The following NDST3 variants were observed in gnomAD, a reference collection of about 807,000 sequenced individuals.
NDST3 encodes bifunctional heparan sulfate N-deacetylase/N-sulfotransferase 3.
NDST3 carries 58 observed loss-of-function variants against 96.1 expected under a neutral mutation model. That is an observed-to-expected ratio of 0.60 (90% CI 0.49 to 0.75). NDST3 has a LOEUF of 0.75. Among genes scored for constraint, NDST3 ranks in the 30% least tolerant of loss-of-function variants. NDST3 has a pLI of 0.00. For missense variants in NDST3, 788 were observed against 1,034.2 expected, an observed-to-expected ratio of 0.76 and a Z score of 3.27; for synonymous variants, 333 against 359.7, an observed-to-expected ratio of 0.93 and a Z score of 0.84.
chr4:118,177,791 T>C (rs188125422), intron 6 of NDST3, among the ~76,000 whole-genome samples: 5 of 152,112 alleles, frequency 3.3e-5, no homozygotes, highest in Admixed American at 3.3e-4. Flanking sequence ...CTTATGAGTC[T>C]TGAAGTCTCA....
chr4:118,077,152 G>A (rs760171532), intron 2 of NDST3, among the ~76,000 whole-genome samples: 1 of 152,208 alleles, frequency 6.6e-6, no homozygotes, highest in Admixed American at 6.5e-5. Flanking sequence ...TAAGGAACCT[G>A]CTGCGCAGGA....
chr4:118,173,992 T>C (rs1457121205), intron 6 of NDST3, among the ~76,000 whole-genome samples: 6 of 152,214 alleles, frequency 3.9e-5, no homozygotes, highest in Non-Finnish European at 5.9e-5. Context: ...TGGTTATTGA[T>C]ACACTTTGCA....
At chr4:118,192,803 G>T (rs1287755261) in intron 6 of NDST3, among the ~76,000 whole-genome samples, 1 of 152,030 alleles carries the variant, frequency 6.6e-6, no homozygotes, top group East Asian at 1.9e-4. Context: ...CAAAGAAGAG[G>T]CTGAGGGGGT....
At chr4:118,206,917 A>G (rs1738472507) in intron 6 of NDST3, among the ~76,000 whole-genome samples, 2 of 143,524 alleles carry the variant, frequency 1.4e-5, no homozygotes, top group African/African-American at 5.2e-5. Flanking sequence ...TGATGCATAT[A>G]CCAAGTTATT....
At chr4:118,183,615 C>T (rs1272260345) in intron 6 of NDST3, among the ~76,000 whole-genome samples, 1 of 152,116 alleles carries the variant, frequency 6.6e-6, no homozygotes, top group Non-Finnish European at 1.5e-5. Context: ...GAGACAAACA[C>T]TAATCAAATT....
At chr4:118,201,080 C>T (rs1738047849) in intron 6 of NDST3, among the ~76,000 whole-genome samples, 1 of 152,154 alleles carries the variant, frequency 6.6e-6, no homozygotes, top group South Asian at 2.1e-4. Flanking sequence ...GGATTATGGC[C>T]TCCAGCTCCA....
At chr4:118,233,966 T>G (rs1231294663) in intron 9 of NDST3, among the ~76,000 whole-genome samples, 1 of 152,192 alleles carries the variant, frequency 6.6e-6, no homozygotes, top group African/African-American at 2.4e-5. Flanking sequence ...GAAGTCCGAA[T>G]GGAAAGGAAA....
chr4:118,131,463 T>C (rs528689279), intron 4 of NDST3, among the ~76,000 whole-genome samples: 2 of 152,238 alleles, frequency 1.3e-5, no homozygotes, highest in East Asian at 3.9e-4. Flanking sequence ...TCAATCTCTT[T>C]GTAAAATTAA....
intron 6 of NDST3, among the ~76,000 whole-genome samples, chr4:118,192,179 T>C (rs2125966530): frequency 6.6e-6 from 1 of 152,328 alleles, no homozygotes; most frequent in African/African-American, 2.4e-5. Context: ...TACATTCCGC[T>C]TATTAATCCC....
At chr4:118,117,259 A>G (rs915616671) in intron 4 of NDST3, among the ~76,000 whole-genome samples, 5 of 152,150 alleles carry the variant, frequency 3.3e-5, no homozygotes, top group Admixed American at 3.3e-4. Flanking sequence ...GCACATATAA[A>G]TAAGGCATTT....
intron 1 of NDST3, among the ~76,000 whole-genome samples, chr4:118,053,396 A>G (rs772859494): frequency 6.6e-6 from 1 of 152,030 alleles, no homozygotes; most frequent in Non-Finnish European, 1.5e-5. Context: ...TTGAGTATGT[A>G]TTACATAATG....
intron 2 of NDST3, among the ~76,000 whole-genome samples, chr4:118,075,542 C>T (rs1727454906): frequency 6.6e-6 from 1 of 152,194 alleles, no homozygotes. Context: ...TATTTCTCCA[C>T]ATCCTCTCCA....
At chr4:118,126,031 AC>A (rs1732031699) in intron 4 of NDST3, among the ~76,000 whole-genome samples, 3 of 151,706 alleles carry the variant, frequency 2.0e-5, no homozygotes, top group Admixed American at 2.0e-4. Context: ...CTACTACAGG[AC>A]TCCTTCCACA....
At chr4:118,179,814 T>C (rs762483400) in intron 6 of NDST3, among the ~76,000 whole-genome samples, 2 of 152,082 alleles carry the variant, frequency 1.3e-5, no homozygotes, top group Non-Finnish European at 2.9e-5. Flanking sequence ...GTCACTTTAG[T>C]TGTGAATAAG....
intron 6 of NDST3, among the ~76,000 whole-genome samples, chr4:118,217,345 T>A (rs567657937): frequency 1.3e-5 from 2 of 152,216 alleles, no homozygotes; most frequent in East Asian, 3.9e-4. Context: ...CTGAACTTTA[T>A]TCAACTCAAA....
At chr4:118,247,525 C>T (rs1050267982) in intron 12 of NDST3, among the ~76,000 whole-genome samples, 8 of 151,866 alleles carry the variant, frequency 5.3e-5, no homozygotes, top group Non-Finnish European at 1.0e-4. Flanking sequence ...GCAATCCAGC[C>T]TGGGCGACAA....
chr4:118,240,527 C>A lies in NDST3; in HGVS notation c.2122C>A (p.Gln708Lys). 1 of 1,599,052 alleles carries A rather than the reference C, an allele frequency of 6.3e-7. No individual in the cohort carries two copies. Among genetic ancestry groups the A allele is most frequent in the Non-Finnish European group, 8.5e-7 (1 of 1,172,204 alleles). Residue 708 changes from glutamine (Q) to lysine (K), a missense_variant, in exon 11 of 14, where the codon CAG becomes AAG. Around this residue, in one of 3 missense-constraint regions of NDST3, gnomAD observed 490 missense variants for 708.8 expected, o/e 0.69. Transcript: ENST00000296499. ...SDRAYSWYQH[Q>K]RSHEDPAALK... ...ATTATCCACCTTTTCATCATAGCATCAGCGATCACATGAAGACCCTGCAGC... is the reference window on the plus strand; with the variant it reads ...ATTATCCACCTTTTCATCATAGCATAAGCGATCACATGAAGACCCTGCAGC...
At chr4:118,244,096 CTG>C (rs1741163720) in intron 12 of NDST3, among the ~76,000 whole-genome samples, 1 of 152,184 alleles carries the variant, frequency 6.6e-6, no homozygotes, top group Non-Finnish European at 1.5e-5. Flanking sequence ...GGTGGAGATA[CTG>C]TGTTTCCATT....
Position 118,234,968 on chromosome 4 carries a change from T to C in NDST3, c.1943+1833T>C, listed in dbSNP as rs1209403592. Reference sequence around the variant, plus strand: ...TCACTTGAACCTGGGAGGCAGAGGTTGCAATGAGTCAAGATCGTGCCATTG... The same window carrying C: ...TCACTTGAACCTGGGAGGCAGAGGTCGCAATGAGTCAAGATCGTGCCATTG... On this transcript the variant is annotated intron_variant, in intron 9 of 13. Coordinates refer to ENST00000296499, the MANE Select transcript of NDST3 (RefSeq NM_004784.3). Among the ~76,000 whole-genome samples the C allele has an allele frequency of 2.0e-5, 3 of 150,694 alleles. No individual in the cohort carries two copies. In the South Asian group the frequency reaches 6.2e-4, roughly 31 times the overall value.
Sources: gnomAD v4.1 joint callset for allele counts (sites outside exome capture counted in the v4.1 genomes callset) on GRCh38, gnomAD v4.1.1 for gene constraint, gnomAD v4.1.1 regional missense constraint, MANE v1.5 for transcripts, NCBI Gene and HGNC (gene_info 2026-07-23, HGNC 2026-07-21) for gene names.